Variants in CAST observed in about 807,000 individuals in gnomAD.
The protein encoded by CAST is calpastatin.
A neutral mutation model predicts 119.6 loss-of-function variants in CAST; 76 were observed. The ratio of observed to expected loss-of-function variants is 0.64; its 90% CI spans 0.53 to 0.77. CAST has a LOEUF of 0.77. CAST is among the 30% of genes least tolerant of loss of function. The pLI is 0.00. For synonymous variants in CAST, 319 were observed against 331.6 expected, an observed-to-expected ratio of 0.96 and a Z score of 0.41; for missense variants, 953 against 946.5, an observed-to-expected ratio of 1.01 and a Z score of -0.09.
chr5:96,768,388 C>G (rs773403232), intron 29 of CAST: 4 of 455,906 alleles, frequency 8.8e-6, no homozygotes, highest in Non-Finnish European at 1.8e-5. Flanking sequence ...CTGGCCCTTA[C>G]AATTTTTAAA....
intron 1 of CAST, among the ~76,000 whole-genome samples, chr5:96,642,959 A>G (rs1747970165): frequency 6.6e-6 from 1 of 152,156 alleles, no homozygotes; most frequent in Non-Finnish European, 1.5e-5. Flanking sequence ...TATTTTCCCA[A>G]TGTTACAGGT....
At chr5:96,718,164 A>G (rs565186923) in intron 3 of CAST, among the ~76,000 whole-genome samples, 18 of 152,294 alleles carry the variant, frequency 1.2e-4, no homozygotes, top group African/African-American at 3.8e-4. Context: ...AGGCTCCAAG[A>G]GGTTAATTTG....
the CAST span, chr5:96,214,849 G>T: frequency 6.6e-6 from 1 of 152,168 alleles, no homozygotes; most frequent in African/African-American, 2.4e-5. Flanking sequence ...CATAATCCAA[G>T]AAAAAGTCTT....
chr5:96,594,024 C>T (rs1561425372), intron 1 of CAST, among the ~76,000 whole-genome samples: 1 of 152,318 alleles, frequency 6.6e-6, no homozygotes, highest in East Asian at 1.9e-4. Flanking sequence ...AGTGCACCCA[C>T]AATGCAGGAG....
At chr5:96,749,697 C>A (rs1484100491) in intron 19 of CAST, among the ~76,000 whole-genome samples, 1 of 152,136 alleles carries the variant, frequency 6.6e-6, no homozygotes, top group Non-Finnish European at 1.5e-5. Flanking sequence ...CAGGTGCATG[C>A]CACCATGCCT....
the CAST span, among the ~76,000 whole-genome samples, chr5:96,226,844 C>G: frequency 6.6e-6 from 1 of 152,052 alleles, no homozygotes; most frequent in Non-Finnish European, 1.5e-5. Context: ...TTTTAGAAAC[C>G]AAAATAACAG....
the CAST span, among the ~76,000 whole-genome samples, chr5:96,019,365 C>T: frequency 6.6e-6 from 1 of 152,172 alleles, no homozygotes; most frequent in African/African-American, 2.4e-5. Flanking sequence ...TAAAGCAATA[C>T]TTCTGTACAT....
intron 3 of CAST, among the ~76,000 whole-genome samples, chr5:96,707,533 C>T (rs1268086715): frequency 2.0e-5 from 3 of 152,000 alleles, no homozygotes; most frequent in Admixed American, 6.6e-5. Context: ...ACTACAGGCA[C>T]GTGCCACCAC....
chr5:96,565,726 G>A (rs538316353), intron 1 of CAST, among the ~76,000 whole-genome samples: 12 of 152,226 alleles, frequency 7.9e-5, no homozygotes, highest in African/African-American at 2.2e-4. Context: ...GCTAGAGAAC[G>A]TATAGGAGAA....
chr5:96,637,766 G>A (rs544721219), intron 1 of CAST, among the ~76,000 whole-genome samples: 2 of 152,026 alleles, frequency 1.3e-5, no homozygotes, highest in East Asian at 3.9e-4. Flanking sequence ...GCAAAACAAT[G>A]TCTTACCAAA....
the CAST span, among the ~76,000 whole-genome samples, chr5:96,286,085 A>G: frequency 0.45 from 67,787 of 152,102 alleles, 15,832 homozygotes; most frequent in Admixed American, 0.56. Flanking sequence ...AGTACTACCA[A>G]CTCCAGTTGG....
chr5:96,620,373 G>A (rs1245868193), intron 1 of CAST, among the ~76,000 whole-genome samples: 5 of 150,130 alleles, frequency 3.3e-5, no homozygotes, highest in Non-Finnish European at 7.4e-5. Flanking sequence ...AGTCGACATT[G>A]TAGTTAAAAT....
chr5:95,975,072 G>A, the CAST span, among the ~76,000 whole-genome samples: 2 of 152,122 alleles, frequency 1.3e-5, no homozygotes, highest in Admixed American at 6.6e-5. Context: ...CAGAAGGGGA[G>A]CCTATTACCA....
chr5:96,463,345 C>T, the CAST span, among the ~76,000 whole-genome samples: 2 of 151,978 alleles, frequency 1.3e-5, no homozygotes, highest in African/African-American at 4.8e-5. Flanking sequence ...GAAATCAAAT[C>T]CTGTGTGTTG....
At chr5:96,633,034 C>T (rs1747842606) in intron 1 of CAST, among the ~76,000 whole-genome samples, 1 of 152,152 alleles carries the variant, frequency 6.6e-6, no homozygotes, top group Admixed American at 6.5e-5. Context: ...TGCAGTGGCG[C>T]AATCTCAGCT....
At chr5:96,454,585 T>A in the CAST span, among the ~76,000 whole-genome samples, 1 of 152,202 alleles carries the variant, frequency 6.6e-6, no homozygotes, top group Non-Finnish European at 1.5e-5. Context: ...TTGTTGAGTG[T>A]CTGTCCTATA....
At chr5:96,345,435 T>C in the CAST span, among the ~76,000 whole-genome samples, 7 of 152,182 alleles carry the variant, frequency 4.6e-5, no homozygotes, top group Non-Finnish European at 7.4e-5. Flanking sequence ...GCTTTCGACT[T>C]AGCATTGGGC....
chr5:96,354,903 A>G, the CAST span, among the ~76,000 whole-genome samples: 4 of 151,482 alleles, frequency 2.6e-5, no homozygotes, highest in African/African-American at 9.7e-5. Context: ...TAATTTTTTA[A>G]TATTGCATTT....
chr5:96,632,310 C>G (rs2150202054), intron 1 of CAST, among the ~76,000 whole-genome samples: 1 of 151,246 alleles, frequency 6.6e-6, no homozygotes, highest in South Asian at 2.1e-4. Flanking sequence ...TGTCTTCTCA[C>G]TTTCTTGACA....
Sources: allele counts gnomAD v4.1 joint callset (sites outside exome capture counted in the v4.1 genomes callset), GRCh38; gene constraint gnomAD v4.1.1; transcripts MANE v1.5; gene names NCBI Gene and HGNC (gene_info 2026-07-23, HGNC 2026-07-21).